The following SDHAF3 variants were observed in gnomAD, a reference collection of about 807,000 sequenced individuals.
The protein encoded by SDHAF3 is succinate dehydrogenase complex assembly factor 3, also known as succinate dehydrogenase assembly factor 3, mitochondrial.
In SDHAF3, 18 loss-of-function variants were observed where a neutral mutation model predicts 11.5. That is an observed-to-expected ratio of 1.56 (90% CI 1.08 to 2.32). The LOEUF (loss-of-function observed/expected upper bound fraction) is 2.32. SDHAF3 is among the 30% of genes most tolerant of loss of function. SDHAF3 has a pLI of 0.00. For synonymous variants in SDHAF3, 72 were observed against 59.3 expected (o/e 1.21, Z -0.99); for missense variants, 200 against 154.4 (o/e 1.30, Z -1.57).
chr7:97,138,167 AT>A (rs11345197), intron 1 of SDHAF3, among the ~76,000 whole-genome samples: 13,420 of 134,276 alleles, frequency 0.1, 770 homozygotes, highest in Middle Eastern at 0.15. Flanking sequence ...CCCCACTGGC[AT>A]TTTTTTTTTT....
intron 1 of SDHAF3, among the ~76,000 whole-genome samples, chr7:97,121,459 A>G (rs1040708100): frequency 1.3e-5 from 2 of 152,132 alleles, no homozygotes; most frequent in East Asian, 1.9e-4. Context: ...TGTTTTTCTT[A>G]AGTACCTGTT....
At chr7:97,174,929 T>C (rs944643660) in intron 1 of SDHAF3, among the ~76,000 whole-genome samples, 3 of 152,224 alleles carry the variant, frequency 2.0e-5, no homozygotes, top group Non-Finnish European at 2.9e-5. Flanking sequence ...TGCATTCCCA[T>C]GGTGATGTTT....
intron 1 of SDHAF3, among the ~76,000 whole-genome samples, chr7:97,155,775 T>C (rs1789291791): frequency 1.3e-5 from 2 of 152,064 alleles, no homozygotes; most frequent in Admixed American, 1.3e-4. Context: ...TCTAGAATTG[T>C]AGTCTCTAAA....
chr7:97,133,818 C>T (rs970638389), intron 1 of SDHAF3, among the ~76,000 whole-genome samples: 1 of 152,132 alleles, frequency 6.6e-6, no homozygotes, highest in South Asian at 2.1e-4. Context: ...ACTTTGCTTT[C>T]AGAGCTCTAA....
At chr7:97,153,608 T>G (rs1489413385) in intron 1 of SDHAF3, among the ~76,000 whole-genome samples, 1 of 152,244 alleles carries the variant, frequency 6.6e-6, no homozygotes, top group Non-Finnish European at 1.5e-5. Context: ...TATGTTTAGT[T>G]TTGTTAGAAA....
intron 1 of SDHAF3, among the ~76,000 whole-genome samples, chr7:97,155,196 T>TG (rs1349869906): frequency 6.6e-6 from 1 of 152,214 alleles, no homozygotes; most frequent in Admixed American, 6.5e-5. Context: ...GAGGTCAATT[T>TG]GGGGAGCATT....
intron 1 of SDHAF3, among the ~76,000 whole-genome samples, chr7:97,130,959 T>C (rs544456817): frequency 6.6e-6 from 1 of 152,348 alleles, no homozygotes; most frequent in South Asian, 2.1e-4. Context: ...TCATGGACTT[T>C]GCCAGGAACT....
At chr7:97,124,305 A>G (rs565025331) in intron 1 of SDHAF3, among the ~76,000 whole-genome samples, 6 of 152,134 alleles carry the variant, frequency 3.9e-5, no homozygotes, top group Admixed American at 3.9e-4. Context: ...ATGGTTGCAG[A>G]TGTGTGGTGT....
At chr7:97,164,988 C>T (rs1789479001) in intron 1 of SDHAF3, among the ~76,000 whole-genome samples, 1 of 152,104 alleles carries the variant, frequency 6.6e-6, no homozygotes, top group Non-Finnish European at 1.5e-5. Flanking sequence ...AAAACAATAG[C>T]TTGGAGTTCT....
chr7:97,171,381 C>T (rs1485354540), intron 1 of SDHAF3, among the ~76,000 whole-genome samples: 4 of 152,020 alleles, frequency 2.6e-5, no homozygotes, highest in Non-Finnish European at 5.9e-5. Flanking sequence ...TTTAGCTATC[C>T]AGGAAGTTGT....
intron 1 of SDHAF3, among the ~76,000 whole-genome samples, chr7:97,164,028 A>G (rs1367978135): frequency 6.6e-6 from 1 of 151,612 alleles, no homozygotes; most frequent in African/African-American, 2.4e-5. Flanking sequence ...GGTCACTGCA[A>G]CCTCTGCCTC....
At position 97,117,856 on chromosome 7, in the gene SDHAF3, G is replaced by C. The variant is rs552127067; in HGVS notation, c.133G>C (p.Val45Leu). 1 of 1,614,186 alleles carries C rather than the reference G, an allele frequency of 6.2e-7. No individual in the cohort carries two copies. Among genetic ancestry groups the C allele is most frequent in the Admixed American group, 1.7e-5 (1 of 60,024 alleles). ...AGACGAATTTAGGAGACATAAGACC[G>C]TTGGTTCTGACGAGGCACAGCGTTT... is the stretch of plus-strand genomic sequence containing the variant. ...VKDEFRRHKT[V>L]GSDEAQRFLQ... The change falls in exon 1 of 2, where the codon GTT (valine) becomes CTT (leucine). Residue 45 changes from valine (V) to leucine (L), a missense_variant. By Grantham distance (32) the Val-to-Leu change is conservative. Coordinates refer to ENST00000432641, the MANE Select transcript of SDHAF3 (RefSeq NM_020186.3).
intron 1 of SDHAF3, among the ~76,000 whole-genome samples, chr7:97,137,975 C>T (rs1471684737): frequency 6.8e-6 from 1 of 147,962 alleles, no homozygotes; most frequent in Non-Finnish European, 1.5e-5. Context: ...TGGGTCTGAG[C>T]AATTCTCCTG....
At chr7:97,165,649 A>G (rs188439400) in intron 1 of SDHAF3, among the ~76,000 whole-genome samples, 40 of 152,256 alleles carry the variant, frequency 2.6e-4, no homozygotes, top group Non-Finnish European at 4.1e-4. Context: ...GAATTCTGAT[A>G]TTTAGATTTG....
intron 1 of SDHAF3, among the ~76,000 whole-genome samples, chr7:97,173,069 A>T (rs1266813464): frequency 6.6e-6 from 1 of 152,170 alleles, no homozygotes; most frequent in African/African-American, 2.4e-5. Context: ...AGTTCACAAT[A>T]GGGTTCATGC....
At chr7:97,158,374 C>A (rs929379633) in intron 1 of SDHAF3, among the ~76,000 whole-genome samples, 4 of 152,198 alleles carry the variant, frequency 2.6e-5, no homozygotes, top group Non-Finnish European at 5.9e-5. Flanking sequence ...GTTGCCCAGG[C>A]TGGAGTGCAG....
At chr7:97,156,204 CCT>C (rs1237197042) in intron 1 of SDHAF3, among the ~76,000 whole-genome samples, 1 of 152,120 alleles carries the variant, frequency 6.6e-6, no homozygotes, top group African/African-American at 2.4e-5. Flanking sequence ...TCAGCCTTTC[CCT>C]GTTTTTGATG....
intron 1 of SDHAF3, among the ~76,000 whole-genome samples, chr7:97,153,349 C>T (rs892774430): frequency 2.6e-5 from 4 of 152,118 alleles, no homozygotes; most frequent in Non-Finnish European, 4.4e-5. Context: ...TGGTAATATG[C>T]GTTTAAGTTT....
At chr7:97,129,124 G>A (rs989571203) in intron 1 of SDHAF3, among the ~76,000 whole-genome samples, 2 of 152,086 alleles carry the variant, frequency 1.3e-5, no homozygotes, top group African/African-American at 4.8e-5. Context: ...TCTCTTTCAT[G>A]TTCCAAATGT....
Sources: gnomAD v4.1 joint callset for allele counts (sites outside exome capture counted in the v4.1 genomes callset) on GRCh38, gnomAD v4.1.1 for gene constraint, MANE v1.5 for transcripts, NCBI Gene and HGNC (gene_info 2026-07-23, HGNC 2026-07-21) for gene names.